The following CTNNA3 variants were observed in gnomAD, a reference collection of about 807,000 sequenced individuals.
The protein encoded by CTNNA3 is catenin alpha 3.
A neutral mutation model predicts 95.7 loss-of-function variants in CTNNA3; 76 were observed. That is an observed-to-expected ratio of 0.79 (90% CI 0.66 to 0.96). The LOEUF is 0.96. Among genes scored for constraint, CTNNA3 ranks in the 40% least tolerant of loss-of-function variants. CTNNA3 has a pLI of 0.00. For missense variants in CTNNA3, 1,191 were observed against 1,089.8 expected (o/e 1.09, Z -1.31); for synonymous variants, 431 against 374.4 (o/e 1.15, Z -1.74).
intron 12 of CTNNA3, among the ~76,000 whole-genome samples, chr10:66,337,880 A>T (rs2092413302): frequency 6.6e-6 from 1 of 152,068 alleles, no homozygotes; most frequent in African/African-American, 2.4e-5. Flanking sequence ...TTACCACATG[A>T]CCCAGCAATT....
chr10:66,778,796 T>C (rs191497579), intron 7 of CTNNA3, among the ~76,000 whole-genome samples: 237 of 152,004 alleles, frequency 1.6e-3, no homozygotes, highest in Non-Finnish European at 2.6e-3. Context: ...GCCAACATGG[T>C]GAAACACCAT....
chr10:67,037,911 AC>A (rs1446812220), intron 7 of CTNNA3, among the ~76,000 whole-genome samples: 2 of 152,144 alleles, frequency 1.3e-5, no homozygotes, highest in Non-Finnish European at 2.9e-5. Flanking sequence ...AAGGTCCAGG[AC>A]AGAAACCCAG....
chr10:66,287,506 T>C (rs2091609123), intron 12 of CTNNA3, among the ~76,000 whole-genome samples: 1 of 152,050 alleles, frequency 6.6e-6, no homozygotes, highest in Non-Finnish European at 1.5e-5. Context: ...CACTATGTTC[T>C]ATTGCTTGGA....
chr10:67,252,445 T>C (rs920473967), intron 5 of CTNNA3, among the ~76,000 whole-genome samples: 1 of 152,132 alleles, frequency 6.6e-6, no homozygotes, highest in African/African-American at 2.4e-5. Flanking sequence ...AAATTTTAAT[T>C]TATAAATTAG....
At chr10:67,663,443 C>T (rs968930275) in intron 1 of CTNNA3, among the ~76,000 whole-genome samples, 6 of 151,920 alleles carry the variant, frequency 3.9e-5, no homozygotes, top group Non-Finnish European at 8.8e-5. Flanking sequence ...GGTCCCCAGT[C>T]AGTAAACTCT....
At chr10:67,697,706 T>C (rs954769200), upstream of CTNNA3, among the ~76,000 whole-genome samples, 17 of 152,184 alleles carry the variant, frequency 1.1e-4, 1 homozygote, top group Admixed American at 1.1e-3. Context: ...CAATTAAATA[T>C]TATAAATATC....
chr10:66,326,072 C>G (rs997684387), intron 12 of CTNNA3, among the ~76,000 whole-genome samples: 2 of 152,036 alleles, frequency 1.3e-5, no homozygotes, highest in African/African-American at 4.8e-5. Flanking sequence ...GTAAAATGAA[C>G]AAGCTCAATC....
At chr10:66,246,577 A>T (rs991108457) in intron 13 of CTNNA3, among the ~76,000 whole-genome samples, 3 of 152,160 alleles carry the variant, frequency 2.0e-5, no homozygotes, top group Non-Finnish European at 4.4e-5. Flanking sequence ...AAAAATAGCT[A>T]TTTTGAGAAA....
intron 7 of CTNNA3, among the ~76,000 whole-genome samples, chr10:67,111,513 C>T (rs1002020090): frequency 6.6e-6 from 1 of 151,958 alleles, no homozygotes; most frequent in African/African-American, 2.4e-5. Flanking sequence ...TAATGAAGGT[C>T]TTGGTTTTAC....
At chr10:66,372,651 A>G (rs1370090099) in intron 12 of CTNNA3, among the ~76,000 whole-genome samples, 1 of 152,206 alleles carries the variant, frequency 6.6e-6, no homozygotes, top group East Asian at 1.9e-4. Flanking sequence ...GCTAATTTAT[A>G]AAGAAAACAG....
chr10:67,705,973 C>G (rs1181237282), intron 1 of CTNNA3, among the ~76,000 whole-genome samples: 1 of 151,880 alleles, frequency 6.6e-6, no homozygotes, highest in Non-Finnish European at 1.5e-5. Flanking sequence ...AGACTTCTGC[C>G]TTTAAGGGTG....
Position 66,596,274 on chromosome 10 carries a change from C to T in CTNNA3, c.1374+25418G>A, listed in dbSNP as rs1052684637. ...GATCTCTACCCATGACCCCTGTGGA[C>T]TCCCCCAGCTAACTGATATGTATTC... On this transcript the variant is annotated intron_variant, in intron 10 of 17. Coordinates refer to ENST00000433211, the MANE Select transcript of CTNNA3 (RefSeq NM_013266.4). 3.3e-5 allele frequency among the ~76,000 whole-genome samples: 5 copies of T among 152,114 alleles called. No individual in the cohort carries two copies. The East Asian group carries it at 9.7e-4, about 29-fold the overall frequency.
intron 13 of CTNNA3, among the ~76,000 whole-genome samples, chr10:66,202,607 T>C (rs1236138533): frequency 1.3e-5 from 2 of 152,218 alleles, no homozygotes; most frequent in East Asian, 1.9e-4. Context: ...ACAGCACCTA[T>C]AACATAAATT....
intron 10 of CTNNA3, among the ~76,000 whole-genome samples, chr10:66,580,385 G>A (rs190158908): frequency 1.4e-4 from 21 of 151,582 alleles, no homozygotes; most frequent in African/African-American, 4.3e-4. Context: ...TTTGAATATC[G>A]ATTATCTCAA....
chr10:65,966,678 T>C lies in CTNNA3; in HGVS notation c.2334A>G (p.Gln778=), dbSNP rs770030124. The C allele has an allele frequency of 1.5e-5, 25 of 1,613,722 alleles. No homozygotes were observed. Among genetic ancestry groups the C allele is most frequent in the South Asian group, 8.8e-5 (8 of 91,084 alleles). ...YLEQIKFYSH[Q]LKICSQVKAE... is the part of the protein sequence containing the mutation. ...CTTTAACTTGACTGCAGATTTTCAG[T>C]TGGTGGGAGTAGAACTTAATCTGTT... The change falls in exon 17 of 18, where the codon CAA becomes CAG. Residue 778 remains glutamine (Q), a synonymous_variant. Transcript: ENST00000433211.
chr10:67,171,594 C>T (rs1862025312), intron 7 of CTNNA3, among the ~76,000 whole-genome samples: 1 of 149,936 alleles, frequency 6.7e-6, no homozygotes, highest in African/African-American at 2.5e-5. Flanking sequence ...AAAAGAAAAA[C>T]AAAATATATT....
chr10:65,926,042 A>G (rs958226351), intron 17 of CTNNA3, among the ~76,000 whole-genome samples: 2 of 149,698 alleles, frequency 1.3e-5, no homozygotes, highest in Non-Finnish European at 3.0e-5. Flanking sequence ...GATGTATTAT[A>G]TAATATATAA....
intron 1 of CTNNA3, among the ~76,000 whole-genome samples, chr10:67,693,508 A>C (rs2133593617): frequency 6.6e-6 from 1 of 151,900 alleles, no homozygotes; most frequent in Non-Finnish European, 1.5e-5. Context: ...CTTCTATTCC[A>C]AAAAAAATAG....
chr10:66,950,343 G>A (rs950663811), intron 7 of CTNNA3, among the ~76,000 whole-genome samples: 5 of 151,480 alleles, frequency 3.3e-5, no homozygotes, highest in Non-Finnish European at 5.9e-5. Context: ...AAATTTTACA[G>A]GGAGGAAAAA....
Sources: allele counts gnomAD v4.1 joint callset (sites outside exome capture counted in the v4.1 genomes callset), GRCh38; gene constraint gnomAD v4.1.1; transcripts MANE v1.5; gene names NCBI Gene and HGNC (gene_info 2026-07-23, HGNC 2026-07-21).